The following BANK1 variants were observed in gnomAD, a reference collection of about 807,000 sequenced individuals.
BANK1 encodes the protein B-cell scaffold protein with ankyrin repeats.
A neutral mutation model predicts 94.5 loss-of-function variants in BANK1; 95 were observed. The observed-to-expected ratio is 1.00, with a 90% confidence interval of 0.85 to 1.19. The LOEUF (loss-of-function observed/expected upper bound fraction) is 1.19. Ranked by LOEUF, BANK1 falls within the 50% of genes most tolerant of loss-of-function variation. The probability of loss-of-function intolerance (pLI) is 0.00; values close to 1 mark genes in which losing one functional copy is unlikely to be tolerated. For synonymous variants in BANK1, 334 were observed against 308.4 expected (o/e 1.08, Z -0.87); for missense variants, 987 against 932.2 (o/e 1.06, Z -0.77).
intron 1 of BANK1, among the ~76,000 whole-genome samples, chr4:101,822,176 G>A (rs1274956354): frequency 6.6e-6 from 1 of 151,922 alleles, no homozygotes; most frequent in Non-Finnish European, 1.5e-5. Flanking sequence ...TCAACATGGG[G>A]AAACCCTGTC....
Sources: allele counts gnomAD v4.1 joint callset (sites outside exome capture counted in the v4.1 genomes callset), GRCh38; gene constraint gnomAD v4.1.1; transcripts MANE v1.5; gene names NCBI Gene and HGNC (gene_info 2026-07-23, HGNC 2026-07-21).